The following TMLHE variants were observed in gnomAD, a reference collection of about 807,000 sequenced individuals.
TMLHE encodes the protein trimethyllysine dioxygenase, mitochondrial.
In TMLHE, 18 loss-of-function variants were observed where a neutral mutation model predicts 25.7. The ratio of observed to expected loss-of-function variants is 0.70; its 90% CI spans 0.48 to 1.04. The LOEUF (loss-of-function observed/expected upper bound fraction) is 1.04. Ranked by LOEUF, TMLHE falls within the 50% of genes least tolerant of loss-of-function variation. TMLHE has a pLI of 0.00. For synonymous variants in TMLHE, 105 were observed against 97.0 expected (o/e 1.08, Z -0.49); for missense variants, 236 against 259.0 (o/e 0.91, Z 0.61).
At chrX:155,576,064 G>A (rs782220434) in intron 1 of TMLHE, among the ~76,000 whole-genome samples, 28 of 111,349 alleles carry the variant, frequency 2.5e-4, no homozygotes, top group Non-Finnish European at 4.9e-4. Flanking sequence ...AACTATCTCT[G>A]TTTGCAGATT....
intron 1 of TMLHE, among the ~76,000 whole-genome samples, chrX:155,578,676 A>G (rs377280982): frequency 1.8e-5 from 2 of 111,320 alleles, no homozygotes; most frequent in East Asian, 5.7e-4. Flanking sequence ...CCGGCCAAAC[A>G]TTGTCACTGC....
chrX:155,543,130 A>T (rs1184121161), intron 2 of TMLHE, among the ~76,000 whole-genome samples: 1 of 111,441 alleles, frequency 9.0e-6, no homozygotes, highest in East Asian at 2.8e-4. Flanking sequence ...TTTTCCTTTC[A>T]GATCAGGAAC....
chrX:155,535,734 CCT>C (rs372177584), intron 2 of TMLHE, among the ~76,000 whole-genome samples: 3 of 111,670 alleles, frequency 2.7e-5, no homozygotes, highest in Admixed American at 1.9e-4. Flanking sequence ...CTAACTAACC[CCT>C]GTCTCCATTT....
chrX:155,588,680 T>G (rs1375664551), intron 1 of TMLHE, among the ~76,000 whole-genome samples: 1 of 111,045 alleles, frequency 9.0e-6, no homozygotes, highest in Non-Finnish European at 1.9e-5. Flanking sequence ...AGGATATGAA[T>G]AGACATTTCT....
chrX:155,550,083 G>A (rs781946808), intron 1 of TMLHE, among the ~76,000 whole-genome samples: 6 of 110,569 alleles, frequency 5.4e-5, no homozygotes, highest in Admixed American at 2.9e-4. Context: ...ATAGTATTCC[G>A]TGGCGTATAT....
intron 1 of TMLHE, among the ~76,000 whole-genome samples, chrX:155,572,448 C>G: frequency 1.8e-5 from 1 of 56,227 alleles, no homozygotes; most frequent in African/African-American, 4.3e-5. Context: ...CCCCATCAAG[C>G]TACCAATGAC....
chrX:155,574,337 G>A (rs2067577166), intron 1 of TMLHE, among the ~76,000 whole-genome samples: 1 of 111,800 alleles, frequency 8.9e-6, no homozygotes, highest in South Asian at 3.7e-4. Flanking sequence ...GAGAACATGA[G>A]TCCTTGTCCA....
intron 1 of TMLHE, among the ~76,000 whole-genome samples, chrX:155,602,798 A>T (rs2067763634): frequency 8.9e-6 from 1 of 112,421 alleles, no homozygotes; most frequent in Non-Finnish European, 1.9e-5. Context: ...GCAAAAAATC[A>T]TAAAGTGATA....
chrX:155,547,823 C>G (rs782298514), intron 1 of TMLHE, among the ~76,000 whole-genome samples: 10 of 110,939 alleles, frequency 9.0e-5, no homozygotes, highest in Non-Finnish European at 7.6e-5. Flanking sequence ...ATTTACCACC[C>G]CATTCTTTCA....
intron 4 of TMLHE, among the ~76,000 whole-genome samples, chrX:155,512,633 A>C (rs916580302): frequency 2.7e-5 from 3 of 111,018 alleles, no homozygotes; most frequent in Admixed American, 9.6e-5. Flanking sequence ...GTTGTCTTTT[A>C]TTAGTACCAT....
At chrX:155,559,425 T>C (rs1182139923) in intron 1 of TMLHE, among the ~76,000 whole-genome samples, 1 of 111,340 alleles carries the variant, frequency 9.0e-6, no homozygotes, top group African/African-American at 3.3e-5. Flanking sequence ...TGTGGCCCCA[T>C]GGTTTTCCTC....
intron 1 of TMLHE, among the ~76,000 whole-genome samples, chrX:155,591,957 A>G (rs1051584328): frequency 8.9e-6 from 1 of 111,999 alleles, no homozygotes; most frequent in Non-Finnish European, 1.9e-5. Flanking sequence ...GTATCCATCA[A>G]TAGGTGAAAG....
intron 1 of TMLHE, among the ~76,000 whole-genome samples, chrX:155,590,246 T>C (rs1557345756): frequency 8.9e-6 from 1 of 112,132 alleles, no homozygotes; most frequent in East Asian, 2.8e-4. Flanking sequence ...CAATAATTTA[T>C]GAAAGTGTAT....
At chrX:155,611,356 C>A (rs1557348319) in intron 1 of TMLHE, 2 of 111,422 alleles carry the variant, frequency 1.8e-5, no homozygotes, top group African/African-American at 6.5e-5. Flanking sequence ...CTCTTCCCAC[C>A]AAAGAGGTTT....
intron 4 of TMLHE, among the ~76,000 whole-genome samples, chrX:155,512,199 G>A (rs902077159): frequency 4.7e-4 from 52 of 109,521 alleles, no homozygotes; most frequent in Admixed American, 4.0e-3. Context: ...TAAGTTTTAG[G>A]GTACATGTGC....
chrX:155,548,533 AGG>A (rs1569562091), intron 1 of TMLHE, among the ~76,000 whole-genome samples: 8 of 109,209 alleles, frequency 7.3e-5, no homozygotes, highest in African/African-American at 1.0e-4. Flanking sequence ...CAGCAGTATG[AGG>A]CCAGCCTGAC....
At chrX:155,590,896 A>C (rs1219029472) in intron 1 of TMLHE, among the ~76,000 whole-genome samples, 4 of 111,167 alleles carry the variant, frequency 3.6e-5, no homozygotes, top group Admixed American at 9.6e-5. Flanking sequence ...TAAACATTCA[A>C]ATCAAAAGGG....
At chrX:155,513,941 G>C (rs781798134) in intron 4 of TMLHE, 45 bp downstream of exon 4, 2 of 1,147,081 alleles carry the variant, frequency 1.7e-6, no homozygotes, top group Non-Finnish European at 2.3e-6. Flanking sequence ...TCATGCTCTG[G>C]AAATTAATTA....
At chrX:155,577,031 C>G (rs782155352) in intron 1 of TMLHE, among the ~76,000 whole-genome samples, 9 of 111,815 alleles carry the variant, frequency 8.0e-5, no homozygotes, top group Admixed American at 7.5e-4. Context: ...AACTAAAGAG[C>G]TTTTGCACAG....
Sources: gnomAD v4.1 joint callset for allele counts (sites outside exome capture counted in the v4.1 genomes callset) on GRCh38, gnomAD v4.1.1 for gene constraint, MANE v1.5 for transcripts, NCBI Gene and HGNC (gene_info 2026-07-23, HGNC 2026-07-21) for gene names.